Variants in KCND2 observed in about 807,000 individuals in gnomAD.
The protein encoded by KCND2 is A-type voltage-gated potassium channel KCND2.
A neutral mutation model predicts 54.4 loss-of-function variants in KCND2; 16 were observed. That is an observed-to-expected ratio of 0.29 (90% CI 0.20 to 0.45). The LOEUF is 0.45. Among genes scored for constraint, KCND2 ranks in the 20% least tolerant of loss-of-function variants. The probability of loss-of-function intolerance (pLI) is 1.00; values close to 1 mark genes in which losing one functional copy is unlikely to be tolerated. For synonymous variants in KCND2, 317 were observed against 310.7 expected (o/e 1.02, Z -0.21); for missense variants, 486 against 824.2 (o/e 0.59, Z 5.02).
chr7:120,648,047 A>T, intron 1 of KCND2, among the ~76,000 whole-genome samples: 1 of 152,322 alleles, frequency 6.6e-6, no homozygotes, highest in South Asian at 2.1e-4. Context: ...AGTAGATGAA[A>T]GATTTCTACT....
At chr7:120,713,707 G>A (rs1465162777) in intron 1 of KCND2, among the ~76,000 whole-genome samples, 1 of 152,140 alleles carries the variant, frequency 6.6e-6, no homozygotes. Flanking sequence ...CTGCAATTTA[G>A]TTGTATCAGA....
At chr7:120,590,779 T>A (rs1285911224) in intron 1 of KCND2, among the ~76,000 whole-genome samples, 1 of 152,174 alleles carries the variant, frequency 6.6e-6, no homozygotes, top group Non-Finnish European at 1.5e-5. Context: ...TTTCTAGAAT[T>A]TTTTACTGAA....
chr7:120,727,001 A>G (rs979854147), intron 1 of KCND2, among the ~76,000 whole-genome samples: 13 of 152,232 alleles, frequency 8.5e-5, no homozygotes, highest in African/African-American at 4.8e-5. Context: ...TATCAATTAC[A>G]TGACTTTTGT....
At chr7:120,521,684 T>A (rs1358930261) in intron 1 of KCND2, among the ~76,000 whole-genome samples, 1 of 152,166 alleles carries the variant, frequency 6.6e-6, no homozygotes, top group Non-Finnish European at 1.5e-5. Context: ...AGGAAAGATA[T>A]TAGAACATAA....
At chr7:120,542,250 T>C (rs1021652653) in intron 1 of KCND2, among the ~76,000 whole-genome samples, 2 of 152,146 alleles carry the variant, frequency 1.3e-5, no homozygotes, top group Non-Finnish European at 2.9e-5. Context: ...TTACCAAACA[T>C]TGAGTAATTT....
intron 1 of KCND2, among the ~76,000 whole-genome samples, chr7:120,589,625 A>T (rs2116456002): frequency 6.6e-6 from 1 of 152,342 alleles, no homozygotes. Context: ...CTATTTTAAT[A>T]TACCAAATTT....
chr7:120,436,898 A>G (rs1055656395), intron 1 of KCND2, among the ~76,000 whole-genome samples: 3 of 152,128 alleles, frequency 2.0e-5, no homozygotes, highest in Non-Finnish European at 4.4e-5. Flanking sequence ...GAGAGCCCCA[A>G]TTCATCAAAG....
intron 1 of KCND2, among the ~76,000 whole-genome samples, chr7:120,579,915 G>C (rs1792493843): frequency 6.6e-6 from 1 of 152,130 alleles, no homozygotes; most frequent in Non-Finnish European, 1.5e-5. Flanking sequence ...ACTGCATAGA[G>C]CATATGTTGG....
intron 1 of KCND2, among the ~76,000 whole-genome samples, chr7:120,356,518 T>G (rs944435348): frequency 2.4e-4 from 37 of 152,284 alleles, no homozygotes; most frequent in African/African-American, 7.7e-4. Flanking sequence ...GATCATAAAA[T>G]TGAAATCCTG....
chr7:120,540,085 C>T (rs1403809864), intron 1 of KCND2, among the ~76,000 whole-genome samples: 2 of 151,996 alleles, frequency 1.3e-5, no homozygotes, highest in African/African-American at 2.4e-5. Flanking sequence ...TTTGTGGTGA[C>T]GGGGTCTTAA....
At chr7:120,397,995 G>GTATATATA (rs200944488) in intron 1 of KCND2, among the ~76,000 whole-genome samples, 5 of 93,106 alleles carry the variant, frequency 5.4e-5, no homozygotes, top group African/African-American at 1.8e-4. Context: ...GTGTGTGTGT[G>GTATATATA]TATATATATA....
intron 1 of KCND2, among the ~76,000 whole-genome samples, chr7:120,340,834 C>A (rs1324790592): frequency 5.9e-5 from 9 of 152,066 alleles, no homozygotes; most frequent in Admixed American, 5.9e-4. Flanking sequence ...AGGGAGAAGA[C>A]AACTGGAATT....
chr7:120,600,176 T>G (rs1329728461), intron 1 of KCND2, among the ~76,000 whole-genome samples: 1 of 151,906 alleles, frequency 6.6e-6, no homozygotes, highest in Non-Finnish European at 1.5e-5. Context: ...TTCCAGAGGT[T>G]TATACACTAT....
chr7:120,321,609 C>T (rs1799894104), intron 1 of KCND2, among the ~76,000 whole-genome samples: 1 of 151,870 alleles, frequency 6.6e-6, no homozygotes. Context: ...TAAAATATCT[C>T]ATATTAGAGA....
At chr7:120,435,395 G>A (rs1801852032) in intron 1 of KCND2, among the ~76,000 whole-genome samples, 1 of 151,638 alleles carries the variant, frequency 6.6e-6, no homozygotes, top group Non-Finnish European at 1.5e-5. Context: ...CATTACAGGT[G>A]TGAGCAACTG....
At chr7:120,411,731 C>T (rs1801452909) in intron 1 of KCND2, among the ~76,000 whole-genome samples, 1 of 151,914 alleles carries the variant, frequency 6.6e-6, no homozygotes, top group South Asian at 2.1e-4. Context: ...CATTCTTGAG[C>T]ATCATGTAAT....
In KCND2 at chr7:120,282,410, A is replaced by G. The variant is rs916820262; in HGVS notation, c.1115+6663A>G. Among the ~76,000 whole-genome samples the G allele has an allele frequency of 4.6e-5, 7 of 152,300 alleles. No individual in the cohort carries two copies. In the East Asian group the frequency reaches 1.2e-3, roughly 25 times the overall value. On this transcript the variant is annotated intron_variant, in intron 1 of 5. Coordinates refer to ENST00000331113, the MANE Select transcript of KCND2 (RefSeq NM_012281.3). ...TCAGGAAAAGCTCAATGTAATCACC[A>G]TCAGGAAGAAGTTAACATTCTAAGA...
intron 1 of KCND2, among the ~76,000 whole-genome samples, chr7:120,322,865 T>C (rs1198568780): frequency 6.6e-6 from 1 of 152,138 alleles, no homozygotes. Context: ...TTTTATCTAG[T>C]GCCATTAAAT....
intron 1 of KCND2, among the ~76,000 whole-genome samples, chr7:120,497,080 T>G (rs140842578): frequency 4.1e-4 from 62 of 152,360 alleles, no homozygotes; most frequent in African/African-American, 1.4e-3. Context: ...ACATCCTTTC[T>G]CTGATAAGTG....
Sources: gnomAD v4.1 joint callset for allele counts (sites outside exome capture counted in the v4.1 genomes callset) on GRCh38, gnomAD v4.1.1 for gene constraint, MANE v1.5 for transcripts, NCBI Gene and HGNC (gene_info 2026-07-23, HGNC 2026-07-21) for gene names.